Variants in SCYL3 observed in about 807,000 individuals in gnomAD.
SCYL3 encodes protein-associating with the carboxyl-terminal domain of ezrin.
SCYL3 carries 35 observed loss-of-function variants against 73.8 expected under a neutral mutation model. That is an observed-to-expected ratio of 0.47 (90% CI 0.36 to 0.63). SCYL3 has a LOEUF of 0.63. Among genes scored for constraint, SCYL3 ranks in the 20% least tolerant of loss-of-function variants. SCYL3 has a pLI of 0.00. For synonymous variants in SCYL3, 277 were observed against 295.2 expected, an observed-to-expected ratio of 0.94 and a Z score of 0.63; for missense variants, 712 against 798.9, an observed-to-expected ratio of 0.89 and a Z score of 1.31.
At chr1:169,858,040 C>T (rs1399914974) in intron 11 of SCYL3, among the ~76,000 whole-genome samples, 9 of 152,164 alleles carry the variant, frequency 5.9e-5, no homozygotes, top group Admixed American at 5.9e-4. Context: ...TAGGATATTA[C>T]TGTACACTAC....
At position 169,850,584 on chromosome 1, in the gene SCYL3, T is replaced by TTCAAGAC. The variant is rs1658009473; in HGVS notation, c.*3128_*3129insGTCTTGA. The TTCAAGAC allele has an allele frequency of 2.8e-6, 1 of 352,258 alleles. No individual in the cohort carries two copies. The highest frequency in any genetic ancestry group is 2.1e-5 in the African/African-American group (1 of 48,114). The allele number at this position is 352,258 out of a possible 1,614,324, so 21.8% of individuals were successfully genotyped here. A position where few individuals can be genotyped will look rare whatever the true frequency, so the allele number is the denominator to read the frequency against. On this transcript the variant is annotated 3_prime_UTR_variant, in exon 13 of 13. Coordinates refer to ENST00000367771, the MANE Select transcript of SCYL3 (RefSeq NM_020423.7). ...AGGCCAAGGTGGGTGGATCATGAGG[T>TTCAAGAC]CAGGAGTTCAAGACCAGCCTGGCCA...
chr1:169,857,635 T>C (rs927284268), intron 11 of SCYL3, among the ~76,000 whole-genome samples: 3 of 152,234 alleles, frequency 2.0e-5, no homozygotes, highest in African/African-American at 2.4e-5. Context: ...AAGAGTAAGT[T>C]AGACTTCTAT....
rs186053564 is a variant in SCYL3, at chr1:169,860,442, G to A, written c.1141-1230C>T. 9.8e-5 allele frequency among the ~76,000 whole-genome samples: 15 copies of A among 152,358 alleles called. No homozygotes were observed. The East Asian group carries it at 2.3e-3, about 24-fold the overall frequency. On this transcript the variant is annotated intron_variant, in intron 10 of 12. Transcript: ENST00000367771. The stretch of plus-strand genomic sequence containing the variant: ...GCCTGCCTACTGGAAGCAGCAGGGC[G>A]TGACAGGTATCAGGAATCTTTGGTT...
intron 3 of SCYL3, among the ~76,000 whole-genome samples, chr1:169,876,885 G>A (rs1219310327): frequency 6.8e-6 from 1 of 147,426 alleles, no homozygotes; most frequent in African/African-American, 2.5e-5. Context: ...AACCCGGGAG[G>A]TGGAGCTTGC....
At chr1:169,874,433 G>T (rs1485522640) in intron 4 of SCYL3, among the ~76,000 whole-genome samples, 1 of 152,188 alleles carries the variant, frequency 6.6e-6, no homozygotes, top group Non-Finnish European at 1.5e-5. Context: ...TTGGGCAGGG[G>T]AATGCCTAGG....
intron 5 of SCYL3, among the ~76,000 whole-genome samples, chr1:169,872,893 A>G (rs1381278733): frequency 6.6e-6 from 1 of 152,194 alleles, no homozygotes; most frequent in African/African-American, 2.4e-5. Context: ...TCTAGGAAGT[A>G]ACTAACTTGC....
intron 4 of SCYL3, among the ~76,000 whole-genome samples, chr1:169,874,123 T>C (rs1202090848): frequency 6.6e-6 from 1 of 152,304 alleles, no homozygotes; most frequent in East Asian, 1.9e-4. Context: ...AGAACAAATC[T>C]GTCATTAATC....
In SCYL3 at chr1:169,850,107, G is replaced by C. The variant is rs1571346576; in HGVS notation, c.*3606C>G. ...AGAAGTTAATTTTGTATTATCCTTA[G>C]GGACCCTGAAGGAATCATGAGTTTA... On this transcript the variant is annotated 3_prime_UTR_variant, in exon 13 of 13. Transcript: ENST00000367771. 3.3e-6 allele frequency: 2 copies of C among 597,616 alleles called. No individual in the cohort carries two copies. The highest frequency in any genetic ancestry group is 5.6e-5 in the East Asian group (2 of 36,012). 37.0% of individuals were successfully genotyped at this position (597,616 alleles called of 1,614,324 possible).
At chr1:169,864,681 T>C (rs1883436) in intron 8 of SCYL3, among the ~76,000 whole-genome samples, 173 bp from the exon 9 acceptor site, 107,389 of 152,040 alleles carry the variant, frequency 0.71, 38,123 homozygotes, top group Middle Eastern at 0.85. Flanking sequence ...AATGCGTGGC[T>C]GGGTGCAGTG....
At position 169,854,584 on chromosome 1, in the gene SCYL3, A is replaced by G. The variant is rs1053231240; in HGVS notation, c.1693T>C (p.Leu565=). ...TGTACAAGGCTAATCTTTTGGGGTAAGCTTGATTTCCAAGGCATAGACTCT... is the reference window on the plus strand; with the variant it reads ...TGTACAAGGCTAATCTTTTGGGGTAGGCTTGATTTCCAAGGCATAGACTCT... The part of the protein sequence containing the change: ...TEESMPWKSS[L]PQKISLVQRG... Residue 565 remains leucine (L), a synonymous_variant, in exon 12 of 13, where the codon TTA becomes CTA. Transcript: ENST00000367771. 27 of 1,613,686 alleles carry G rather than the reference A, an allele frequency of 1.7e-5. No homozygotes were observed. Among genetic ancestry groups the G allele is most frequent in the African/African-American group, 2.7e-5 (2 of 74,852 alleles).
chr1:169,853,606 A>G lies in SCYL3; in HGVS notation c.*107T>C. ...TGGATAATGAGCTCCTGGGATGGGA[A>G]AAGCAGGCCACTTTGGGGTTTTCTT... is the stretch of plus-strand genomic sequence containing the variant. On this transcript the variant is annotated 3_prime_UTR_variant, in exon 13 of 13. Coordinates refer to ENST00000367771, the MANE Select transcript of SCYL3 (RefSeq NM_020423.7). The G allele has an allele frequency of 8.3e-7, 1 of 1,197,864 alleles. No individual in the cohort carries two copies. The highest frequency in any genetic ancestry group is 1.2e-6 in the Non-Finnish European group (1 of 831,650). The allele number at this position is 1,197,864 out of a possible 1,614,324, so 74.2% of individuals were successfully genotyped here.
rs150914096 is a variant in SCYL3, at chr1:169,868,905, G to A, written c.737+23C>T. 1.7e-4 allele frequency: 261 copies of A among 1,572,798 alleles called. 1 individual carries two copies. The highest frequency in any genetic ancestry group is 3.1e-4 in the East Asian group (14 of 44,566). On this transcript the variant is annotated intron_variant, in intron 7 of 12. Coordinates refer to ENST00000367771, the MANE Select transcript of SCYL3 (RefSeq NM_020423.7). ...CAGCAGTGTTCCGGAAGCAGCTGGC[G>A]TCACCACACCAGATGCCCTCACCTG...
At chr1:169,883,714 ATT>A (rs11311295) in intron 2 of SCYL3, among the ~76,000 whole-genome samples, 1,152 of 100,098 alleles carry the variant, frequency 0.012, 6 homozygotes, top group African/African-American at 0.037. Flanking sequence ...CTCCAATTAC[ATT>A]TTTTTTTTTT....
At chr1:169,893,191 T>C (rs61326145) in intron 1 of SCYL3, among the ~76,000 whole-genome samples, 5,787 of 152,196 alleles carry the variant, frequency 0.038, 363 homozygotes, top group African/African-American at 0.13. Context: ...GAATTTCACA[T>C]GGATTCCTGA....
intron 11 of SCYL3, among the ~76,000 whole-genome samples, chr1:169,856,406 T>G (rs1304158619): frequency 1.3e-5 from 2 of 152,214 alleles, no homozygotes; most frequent in Admixed American, 1.3e-4. Flanking sequence ...TGTGGACATT[T>G]AACCCCCAAC....
At position 169,853,039 on chromosome 1, in the gene SCYL3, T is replaced by C; in HGVS notation, c.*674A>G. On this transcript the variant is annotated 3_prime_UTR_variant, in exon 13 of 13. Coordinates refer to ENST00000367771, the MANE Select transcript of SCYL3 (RefSeq NM_020423.7). ...TGATGCTTTGTCAACTGAAAATACTTATGTCTGTACATTTTCTAACAGATA... is the reference window on the plus strand; with the variant it reads ...TGATGCTTTGTCAACTGAAAATACTCATGTCTGTACATTTTCTAACAGATA... 1 of 1,561,522 alleles carries C rather than the reference T, an allele frequency of 6.4e-7. No homozygotes were observed. The highest frequency in any genetic ancestry group is 8.8e-7 in the Non-Finnish European group (1 of 1,134,188).
chr1:169,891,157 C>T (rs3753309), intron 1 of SCYL3, among the ~76,000 whole-genome samples: 10 of 152,116 alleles, frequency 6.6e-5, no homozygotes, highest in Non-Finnish European at 1.2e-4. Context: ...GAAGCATAGC[C>T]GAAGGTAGAA....
At chr1:169,892,214 C>A (rs557378493) in intron 1 of SCYL3, among the ~76,000 whole-genome samples, 1 of 152,184 alleles carries the variant, frequency 6.6e-6, no homozygotes, top group Non-Finnish European at 1.5e-5. Context: ...ACTAATATAT[C>A]TAAAGAAGCA....
intron 2 of SCYL3, 122 bp downstream of exon 2, chr1:169,888,554 C>T: frequency 1.4e-6 from 1 of 738,558 alleles, no homozygotes; most frequent in Non-Finnish European, 2.1e-6. Flanking sequence ...TTTGAAAGGA[C>T]ATAAATAAAA....
Sources: gnomAD v4.1 joint callset for allele counts (sites outside exome capture counted in the v4.1 genomes callset) on GRCh38, gnomAD v4.1.1 for gene constraint, MANE v1.5 for transcripts, NCBI Gene and HGNC (gene_info 2026-07-23, HGNC 2026-07-21) for gene names.